Variants in DNAJC12 observed in about 807,000 individuals in gnomAD.
The protein encoded by DNAJC12 is dnaJ homolog subfamily C member 12.
Under a neutral mutation model 28.5 loss-of-function variants are expected in DNAJC12, and 25 were observed. The ratio of observed to expected loss-of-function variants is 0.88; its 90% CI spans 0.64 to 1.22. The LOEUF is 1.22. DNAJC12 is among the 50% of genes most tolerant of loss of function. The pLI, the probability that DNAJC12 is intolerant of heterozygous loss-of-function variation, is 0.00. For missense variants in DNAJC12, 222 were observed against 231.7 expected (o/e 0.96, Z 0.27); for synonymous variants, 77 against 80.6 (o/e 0.95, Z 0.24).
chr10:67,823,535 T>C, intron 1 of DNAJC12, 143 bp from the exon 2 acceptor site: 1 of 629,090 alleles, frequency 1.6e-6, no homozygotes, highest in Non-Finnish European at 2.8e-6. Context: ...ACCCAGTCTC[T>C]ACAAAATATA....
chr10:67,813,190 T>C (rs957616290), intron 2 of DNAJC12, among the ~76,000 whole-genome samples: 1 of 151,918 alleles, frequency 6.6e-6, no homozygotes. Context: ...GTTTCCCCCA[T>C]GTGAAAACAC....
At position 67,823,331 on chromosome 10, in the gene DNAJC12, G is replaced by T. The variant is rs781264201; in HGVS notation, c.140C>A (p.Pro47His). Reference sequence around the variant, plus strand: ...GTTCTTACCAGCTTTGGGGTTTTCAGGATGCTTGTCTGGGTGACATTCCAG... The same window carrying T: ...GTTCTTACCAGCTTTGGGGTTTTCATGATGCTTGTCTGGGTGACATTCCAG... ...RALECHPDKH[P>H]ENPKAVETFQ... The change falls in exon 2 of 5, where the codon CCT becomes CAT. Residue 47 changes from proline to histidine, a missense_variant. Coordinates refer to ENST00000225171, the MANE Select transcript of DNAJC12 (RefSeq NM_021800.3). The T allele has an allele frequency of 6.2e-7, 1 of 1,614,038 alleles. No individual in the cohort carries two copies. Among genetic ancestry groups the T allele is most frequent in the South Asian group, 1.1e-5 (1 of 91,070 alleles).
At chr10:67,797,906 G>A (rs965010234) in intron 4 of DNAJC12, among the ~76,000 whole-genome samples, 4 of 152,020 alleles carry the variant, frequency 2.6e-5, no homozygotes, top group African/African-American at 4.8e-5. Context: ...CGGGCGTGGT[G>A]GCGGGCGCCT....
At chr10:67,817,074 T>A (rs1841923905) in intron 2 of DNAJC12, among the ~76,000 whole-genome samples, 1 of 151,964 alleles carries the variant, frequency 6.6e-6, no homozygotes, top group South Asian at 2.1e-4. Flanking sequence ...AATAAAAGAA[T>A]GATCTAATCA....
chr10:67,811,202 C>T, intron 3 of DNAJC12: 8 of 815,324 alleles, frequency 9.8e-6, no homozygotes, highest in Non-Finnish European at 1.2e-5. Context: ...GGTTAAAACT[C>T]AGCAATTCAT....
At chr10:67,826,941 A>G (rs1842042668) in intron 1 of DNAJC12, among the ~76,000 whole-genome samples, 2 of 135,852 alleles carry the variant, frequency 1.5e-5, no homozygotes, top group Admixed American at 1.7e-4. Context: ...CATGATATAT[A>G]TAATATATAT....
rs140806180 is a variant in DNAJC12, at chr10:67,802,958, C to T, written c.502+2625G>A. 7.2e-3 allele frequency among the ~76,000 whole-genome samples: 1,086 copies of T among 151,610 alleles called. 8 individuals are homozygous for T. The highest frequency in any genetic ancestry group is 0.011 in the Non-Finnish European group (762 of 67,906). On this transcript the variant is annotated intron_variant, in intron 4 of 4. Coordinates refer to ENST00000225171, the MANE Select transcript of DNAJC12 (RefSeq NM_021800.3). Reference sequence around the variant, plus strand: ...CTCAACATCCCCCCCCACACACACACCCGGGCTCAAGTAACGGGATTACAG... The same window carrying T: ...CTCAACATCCCCCCCCACACACACATCCGGGCTCAAGTAACGGGATTACAG...
At position 67,832,278 on chromosome 10, in the gene DNAJC12, A is replaced by G. The variant is rs563977817; in HGVS notation, c.78+5656T>C. 3.3e-5 allele frequency among the ~76,000 whole-genome samples: 5 copies of G among 151,710 alleles called. No individual in the cohort carries two copies. In the East Asian group the frequency reaches 7.7e-4, roughly 23 times the overall value. ...GAAACTCCATCTCAAAAAAAAAAAA[A>G]AAAGAAAAGAAAGAAAAGAAGATTC... On this transcript the variant is annotated intron_variant, in intron 1 of 4. Coordinates refer to ENST00000225171, the MANE Select transcript of DNAJC12 (RefSeq NM_021800.3).
chr10:67,815,731 C>T (rs916846172), intron 2 of DNAJC12, among the ~76,000 whole-genome samples: 1 of 152,110 alleles, frequency 6.6e-6, no homozygotes, highest in Non-Finnish European at 1.5e-5. Flanking sequence ...GATGCACATG[C>T]CAGTTGCTAC....
At chr10:67,801,002 T>C (rs924333300) in intron 4 of DNAJC12, among the ~76,000 whole-genome samples, 19 of 152,154 alleles carry the variant, frequency 1.2e-4, no homozygotes, top group Non-Finnish European at 2.5e-4. Flanking sequence ...ACTATTTTAT[T>C]TTAGAACTGT....
intron 1 of DNAJC12, chr10:67,834,129 A>G: frequency 4.6e-6 from 2 of 431,742 alleles, no homozygotes; most frequent in Non-Finnish European, 9.3e-6. Flanking sequence ...TAGTTTATGT[A>G]TATGAGTACC....
At chr10:67,827,730 A>AT (rs1842051638) in intron 1 of DNAJC12, 1 of 151,870 alleles carries the variant, frequency 6.6e-6, no homozygotes, top group South Asian at 2.1e-4. Context: ...ATGGAAGCAA[A>AT]TGTGTCAAAA....
At chr10:67,805,018 T>A (rs1347588316) in intron 4 of DNAJC12, among the ~76,000 whole-genome samples, 1 of 151,970 alleles carries the variant, frequency 6.6e-6, no homozygotes, top group Non-Finnish European at 1.5e-5. Context: ...GATGACAGAG[T>A]GAGACTCCAT....
intron 2 of DNAJC12, among the ~76,000 whole-genome samples, chr10:67,821,760 C>T (rs1376653331): frequency 6.6e-6 from 1 of 152,048 alleles, no homozygotes; most frequent in Non-Finnish European, 1.5e-5. Context: ...TGGGGGCTTA[C>T]CTACAGCAAT....
At chr10:67,811,910 G>A (rs977760125) in intron 2 of DNAJC12, among the ~76,000 whole-genome samples, 10 of 151,966 alleles carry the variant, frequency 6.6e-5, no homozygotes, top group Non-Finnish European at 1.2e-4. Context: ...GGCTACTCCC[G>A]GTGCTGATGA....
chr10:67,816,215 T>C (rs1194413885), intron 2 of DNAJC12: 2 of 396,684 alleles, frequency 5.0e-6, no homozygotes, highest in Middle Eastern at 1.3e-3. Flanking sequence ...ATGTATGCCA[T>C]TTACAATTAC....
chr10:67,801,570 A>G (rs1416849867), intron 4 of DNAJC12, among the ~76,000 whole-genome samples: 2 of 152,042 alleles, frequency 1.3e-5, no homozygotes, highest in Non-Finnish European at 2.9e-5. Context: ...TGGGCAGATC[A>G]CCTGAGGTCA....
At chr10:67,822,100 AT>A (rs1841986876) in intron 2 of DNAJC12, among the ~76,000 whole-genome samples, 1 of 152,218 alleles carries the variant, frequency 6.6e-6, no homozygotes, top group Non-Finnish European at 1.5e-5. Context: ...TTTGGGAGCC[AT>A]CAAAAGAGCT....
At chr10:67,799,095 A>G (rs1172301144) in intron 4 of DNAJC12, among the ~76,000 whole-genome samples, 2 of 151,952 alleles carry the variant, frequency 1.3e-5, no homozygotes, top group South Asian at 2.1e-4. Flanking sequence ...TTTTTTGTTT[A>G]TCTGTACTTT....
Sources: allele counts gnomAD v4.1 joint callset (sites outside exome capture counted in the v4.1 genomes callset), GRCh38; gene constraint gnomAD v4.1.1; transcripts MANE v1.5; gene names NCBI Gene and HGNC (gene_info 2026-07-23, HGNC 2026-07-21).